Variants in PFN1 observed in about 807,000 individuals in gnomAD.
PFN1 encodes the protein profilin-1.
A neutral mutation model predicts 11.7 loss-of-function variants in PFN1; 2 were observed. The observed-to-expected ratio is 0.17, with a 90% CI of 0.07 to 0.54. The LOEUF (loss-of-function observed/expected upper bound fraction) is 0.54. Among genes scored for constraint, PFN1 ranks in the 20% least tolerant of loss-of-function variants. The probability of loss-of-function intolerance (pLI) is 0.94; values close to 1 mark genes in which losing one functional copy is unlikely to be tolerated. For synonymous variants in PFN1, 78 were observed against 76.2 expected (o/e 1.02, Z -0.12); for missense variants, 97 against 188.4 (o/e 0.51, Z 2.84).
chr17:4,947,707 G>C (rs1474343739), intron 1 of PFN1, among the ~76,000 whole-genome samples: 1 of 152,062 alleles, frequency 6.6e-6, no homozygotes, highest in Non-Finnish European at 1.5e-5. Flanking sequence ...CAGGAATGTT[G>C]AATCCAACGT....
chr17:4,946,923 C>T (rs1669122371), intron 1 of PFN1, 103 bp from the exon 2 acceptor site: 1 of 949,714 alleles, frequency 1.1e-6, no homozygotes, highest in Non-Finnish European at 1.6e-6. Context: ...ACCACCCCGC[C>T]GTGGGGGCTA....
In PFN1 at chr17:4,948,252, C is replaced by G. The variant is rs759611551; in HGVS notation, c.132+11G>C. 1 of 1,596,750 alleles carries G rather than the reference C, an allele frequency of 6.3e-7. No homozygotes were observed. The highest frequency in any genetic ancestry group is 1.4e-5 in the African/African-American group (1 of 72,952). ...GGAGCAGTGCCCCGGACCGCGCAGG[C>G]CTCGCAGTACCGTGATGTTGACGAA... is the stretch of plus-strand genomic sequence containing the variant. On this transcript the variant is annotated intron_variant, in intron 1 of 2. Transcript: ENST00000225655.
At position 4,945,903 on chromosome 17, in the gene PFN1, G is replaced by C. The variant is rs771709608; in HGVS notation, c.420C>G (p.Tyr140Ter). ...EMASHLRRSQ[Y>*] ...GAAGGGGAAGGGACAGACGAGGTCA[G>C]TACTGGGAACGCCGAAGGTGGGAGG... The change falls in exon 3 of 3, where the codon TAC becomes TAG. Residue 140 changes from tyrosine (Y) to a stop codon, truncating the protein, a stop_gained. Transcript: ENST00000225655. LOFTEE classifies it high-confidence loss of function. 6.3e-7 allele frequency: 1 copy of C among 1,587,564 alleles called. No individual in the cohort carries two copies. Among genetic ancestry groups the C allele is most frequent in the Admixed American group, 1.7e-5 (1 of 59,972 alleles).
At position 4,945,848 on chromosome 17, in the gene PFN1, G is replaced by C. The variant is rs1170629373; in HGVS notation, c.*52C>G. On this transcript the variant is annotated 3_prime_UTR_variant, in exon 3 of 3. Transcript: ENST00000225655. ...AAAATGGTTTGTGTGTGTATGGGGA[G>C]GAAAGGGGTGCAAAGCTGTGGGGAG... 2.5e-6 allele frequency: 3 copies of C among 1,178,984 alleles called. No individual in the cohort carries two copies. The highest frequency in any genetic ancestry group is 3.8e-6 in the Non-Finnish European group (3 of 783,976). 73.0% of individuals were successfully genotyped at this position (1,178,984 alleles called of 1,614,324 possible). A position where few individuals can be genotyped will look rare whatever the true frequency, so the allele number is the denominator to read the frequency against.
intron 2 of PFN1, among the ~76,000 whole-genome samples, 179 bp from the exon 3 acceptor site, chr17:4,946,176 A>C (rs549731266): frequency 6.6e-6 from 1 of 151,698 alleles, no homozygotes; most frequent in Non-Finnish European, 1.5e-5. Context: ...GGCTTTTCAA[A>C]AGAGGAAAAT....
Position 4,948,255 on chromosome 17 carries a change from C to T in PFN1, c.132+8G>A. 1 of 1,601,868 alleles carries T rather than the reference C, an allele frequency of 6.2e-7. No homozygotes were observed. The highest frequency in any genetic ancestry group is 8.5e-7 in the Non-Finnish European group (1 of 1,175,390). On this transcript the variant is annotated splice_region_variant and intron_variant, in intron 1 of 2. Coordinates refer to ENST00000225655, the MANE Select transcript of PFN1 (RefSeq NM_005022.4). ...GCAGTGCCCCGGACCGCGCAGGCCTCGCAGTACCGTGATGTTGACGAACGT... is the reference window on the plus strand; with the variant it reads ...GCAGTGCCCCGGACCGCGCAGGCCTTGCAGTACCGTGATGTTGACGAACGT...
Position 4,948,476 on chromosome 17 carries a change from G to GA in PFN1, c.-83dup. The GA allele has an allele frequency of 7.0e-7, 1 of 1,433,230 alleles. No individual in the cohort carries two copies. The allele number at this position is 1,433,230 out of a possible 1,614,324, so 88.8% of individuals were successfully genotyped here. ...AGCTGCCTCGGCTGGCGGGCGGGGG[G>GA]AGGCGGAGAGCTCGGGGCACGCGCT... On this transcript the variant is annotated 5_prime_UTR_variant, in exon 1 of 3. Coordinates refer to ENST00000225655, the MANE Select transcript of PFN1 (RefSeq NM_005022.4).
chr17:4,946,600 A>G lies in PFN1; in HGVS notation c.325+28T>C, dbSNP rs746824934. 4.5e-6 allele frequency: 7 copies of G among 1,558,442 alleles called. No individual in the cohort carries two copies. The South Asian group carries it at 8.3e-5, about 19-fold the overall frequency. On this transcript the variant is annotated intron_variant, in intron 2 of 2. Transcript: ENST00000225655. ...GCGGTACATTAGAGATCTTGGAGCT[A>G]AAGGAAGGGTAAGACTCAGGAACTC...
Position 4,948,442 on chromosome 17 carries a change from C to T in PFN1, c.-48G>A, listed in dbSNP as rs1215218346. ...TCGGCGCTGCTGCTGGGGCCGCGGA[C>T]TGGGCTCGAGCTGCCTCGGCTGGCG... is the stretch of plus-strand genomic sequence containing the variant. On this transcript the variant is annotated 5_prime_UTR_variant, in exon 1 of 3. Transcript: ENST00000225655. The T allele has an allele frequency of 6.4e-7, 1 of 1,551,720 alleles. No individual in the cohort carries two copies. Among genetic ancestry groups the T allele is most frequent in the Non-Finnish European group, 8.7e-7 (1 of 1,154,804 alleles).
At chr17:4,946,118 G>GCCCC (rs200446760) in intron 2 of PFN1, 121 bp from the exon 3 acceptor site, 1 of 526,870 alleles carries the variant, frequency 1.9e-6, no homozygotes, top group Non-Finnish European at 3.4e-6. Flanking sequence ...CTCCCAACCC[G>GCCCC]CCCCCCCACC....
chr17:4,947,510 C>G (rs1344013067), intron 1 of PFN1: 1 of 147,446 alleles, frequency 6.8e-6, no homozygotes, highest in Non-Finnish European at 1.5e-5. Context: ...CTTCCCCCCC[C>G]TTTTGAACTT....
chr17:4,948,457 C>T lies in PFN1; in HGVS notation c.-63G>A. The T allele has an allele frequency of 1.3e-6, 2 of 1,496,486 alleles. No individual in the cohort carries two copies. Among genetic ancestry groups the T allele is most frequent in the Non-Finnish European group, 1.8e-6 (2 of 1,129,490 alleles). The allele number at this position is 1,496,486 out of a possible 1,614,324, so 92.7% of individuals were successfully genotyped here. The stretch of plus-strand genomic sequence containing the variant: ...GGGCCGCGGACTGGGCTCGAGCTGC[C>T]TCGGCTGGCGGGCGGGGGGAGGCGG... On this transcript the variant is annotated 5_prime_UTR_variant, in exon 1 of 3. Coordinates refer to ENST00000225655, the MANE Select transcript of PFN1 (RefSeq NM_005022.4).
In PFN1 at chr17:4,946,611, A is replaced by G. The variant is rs1971402684; in HGVS notation, c.325+17T>C. The G allele has an allele frequency of 6.3e-7, 1 of 1,588,954 alleles. No individual in the cohort carries two copies. The highest frequency in any genetic ancestry group is 8.6e-7 in the Non-Finnish European group (1 of 1,165,672). Reference sequence around the variant, plus strand: ...GAGATCTTGGAGCTAAAGGAAGGGTAAGACTCAGGAACTCACTCTTGTCAG... The same window carrying G: ...GAGATCTTGGAGCTAAAGGAAGGGTGAGACTCAGGAACTCACTCTTGTCAG... On this transcript the variant is annotated intron_variant, in intron 2 of 2. Transcript: ENST00000225655.
Position 4,945,821 on chromosome 17 carries a change from A to G in PFN1, c.*79T>C. 1 of 1,008,564 alleles carries G rather than the reference A, an allele frequency of 9.9e-7. No individual in the cohort carries two copies. Among genetic ancestry groups the G allele is most frequent in the Non-Finnish European group, 1.6e-6 (1 of 636,558 alleles). 62.5% of individuals were successfully genotyped at this position (1,008,564 alleles called of 1,614,324 possible). On this transcript the variant is annotated 3_prime_UTR_variant, in exon 3 of 3. Transcript: ENST00000225655. Reference sequence around the variant, plus strand: ...GGGGTATGGGGTAATGGCCCAAAAAATAAAATGGTTTGTGTGTGTATGGGG... The same window carrying G: ...GGGGTATGGGGTAATGGCCCAAAAAGTAAAATGGTTTGTGTGTGTATGGGG...
At chr17:4,946,959 A>T in intron 1 of PFN1, 139 bp from the exon 2 acceptor site, 1 of 587,622 alleles carries the variant, frequency 1.7e-6, no homozygotes, top group East Asian at 3.1e-5. Context: ...CTCAGTACAC[A>T]TCAATGAACT....
At position 4,945,896 on chromosome 17, in the gene PFN1, G is replaced by A. The variant is rs200415929; in HGVS notation, c.*4C>T. 26 of 1,557,972 alleles carry A rather than the reference G, an allele frequency of 1.7e-5. No homozygotes were observed. Among genetic ancestry groups the A allele is most frequent in the Middle Eastern group, 1.7e-4 (1 of 5,870 alleles). On this transcript the variant is annotated 3_prime_UTR_variant, in exon 3 of 3. Transcript: ENST00000225655. Reference sequence around the variant, plus strand: ...GAGCGGTGAAGGGGAAGGGACAGACGAGGTCAGTACTGGGAACGCCGAAGG... The same window carrying A: ...GAGCGGTGAAGGGGAAGGGACAGACAAGGTCAGTACTGGGAACGCCGAAGG...
chr17:4,948,500 C>T lies in PFN1; in HGVS notation c.-106G>A. 2 of 1,304,962 alleles carry T rather than the reference C, an allele frequency of 1.5e-6. No homozygotes were observed. Among genetic ancestry groups the T allele is most frequent in the South Asian group, 1.6e-5 (1 of 61,430 alleles). The allele number at this position is 1,304,962 out of a possible 1,614,324, so 80.8% of individuals were successfully genotyped here. A position where few individuals can be genotyped will look rare whatever the true frequency, so the allele number is the denominator to read the frequency against. The stretch of plus-strand genomic sequence containing the variant: ...GGAGGCGGAGAGCTCGGGGCACGCG[C>T]TGCCGTCCGGACCGCGGCTCCGCTC... On this transcript the variant is annotated 5_prime_UTR_variant, in exon 1 of 3. Transcript: ENST00000225655.
intron 1 of PFN1, chr17:4,947,093 T>C (rs574172293): frequency 1.4e-4 from 38 of 269,292 alleles, no homozygotes; most frequent in African/African-American, 8.0e-4. Context: ...TCAGTGTTAA[T>C]GGGGAAAGTA....
rs369839911 is a variant in PFN1, at chr17:4,945,893, G to C, written c.*7C>G. The C allele has an allele frequency of 1.7e-4, 259 of 1,557,776 alleles. 1 individual carries two copies. Among genetic ancestry groups the C allele is most frequent in the Non-Finnish European group, 2.2e-4 (248 of 1,128,860 alleles). On this transcript the variant is annotated 3_prime_UTR_variant, in exon 3 of 3. Coordinates refer to ENST00000225655, the MANE Select transcript of PFN1 (RefSeq NM_005022.4). ...GGGGAGCGGTGAAGGGGAAGGGACA[G>C]ACGAGGTCAGTACTGGGAACGCCGA...
Sources: gnomAD v4.1 joint callset for allele counts (sites outside exome capture counted in the v4.1 genomes callset) on GRCh38, gnomAD v4.1.1 for gene constraint, MANE v1.5 for transcripts, NCBI Gene and HGNC (gene_info 2026-07-23, HGNC 2026-07-21) for gene names.